Variants in GRAMD1B observed in about 807,000 individuals in gnomAD.
GRAMD1B encodes GRAM domain containing 1B.
Under a neutral mutation model 99.7 loss-of-function variants are expected in GRAMD1B, and 37 were observed. The observed-to-expected ratio is 0.37, with a 90% CI of 0.29 to 0.49. The LOEUF (loss-of-function observed/expected upper bound fraction) is 0.49. Ranked by LOEUF, GRAMD1B falls within the 20% of genes least tolerant of loss-of-function variation. The pLI, the probability that GRAMD1B is intolerant of heterozygous loss-of-function variation, is 0.98. For missense variants in GRAMD1B, 888 were observed against 1,009.2 expected (o/e 0.88, Z 1.63); for synonymous variants, 427 against 387.6 (o/e 1.10, Z -1.19).
chr11:123,360,814 TC>T lies in GRAMD1B; in HGVS notation c.-176+2017del, dbSNP rs1447925343. Reference sequence around the variant, plus strand: ...TTCCTTCCTTCCTTCCTTCCTTCCTTCCTTCCTTCCTTCCTTCCTTCCATGG... The same window carrying T: ...TTCCTTCCTTCCTTCCTTCCTTCCTTCTTCCTTCCTTCCTTCCTTCCATGG... On this transcript the variant is annotated intron_variant, in intron 1 of 20. Coordinates refer to the GRAMD1B transcript ENST00000638157. 6.9e-5 allele frequency among the ~76,000 whole-genome samples: 10 copies of T among 145,040 alleles called. No individual in the cohort carries two copies. In the Admixed American group the frequency reaches 7.0e-4, roughly 10 times the overall value.
Position 123,502,153 on chromosome 11 carries a change from G to T in GRAMD1B, c.452+21260G>T, listed in dbSNP as rs76059319. 8.8e-3 allele frequency among the ~76,000 whole-genome samples: 1,346 copies of T among 152,302 alleles called. 17 individuals are homozygous for T. Among genetic ancestry groups the T allele is most frequent in the African/African-American group, 0.031 (1,282 of 41,546 alleles). On this transcript the variant is annotated intron_variant, in intron 2 of 19. Coordinates refer to ENST00000635736, the MANE Select transcript of GRAMD1B (RefSeq NM_001387025.1). ...AGGCTGCTAGGGATCTGTGAGCATAGTCTGTTTGCACCTCATCCTGTTTTT... is the reference window on the plus strand; with the variant it reads ...AGGCTGCTAGGGATCTGTGAGCATATTCTGTTTGCACCTCATCCTGTTTTT...
chr11:123,475,680 G>C (rs1951231163), intron 1 of GRAMD1B, among the ~76,000 whole-genome samples: 1 of 152,158 alleles, frequency 6.6e-6, no homozygotes, highest in South Asian at 2.1e-4. Flanking sequence ...TTCTTTTTCA[G>C]GGTTTCCAAC....
intron 1 of GRAMD1B, among the ~76,000 whole-genome samples, chr11:123,433,610 T>C (rs957538884): frequency 3.3e-5 from 5 of 152,020 alleles, no homozygotes; most frequent in Non-Finnish European, 7.4e-5. Flanking sequence ...GCTATAATGG[T>C]GCCTGTGAAT....
chr11:123,618,294 C>T (rs1954708258), intron 17 of GRAMD1B: 4 of 1,557,186 alleles, frequency 2.6e-6, no homozygotes, highest in East Asian at 4.5e-5. Flanking sequence ...CCCACACTTG[C>T]CTGTTTCTAA....
At chr11:123,419,207 C>T (rs1178761699) in intron 1 of GRAMD1B, among the ~76,000 whole-genome samples, 1 of 152,174 alleles carries the variant, frequency 6.6e-6, no homozygotes, top group African/African-American at 2.4e-5. Context: ...CTGTGGAATG[C>T]TCTAGAGTCT....
intron 14 of GRAMD1B, among the ~76,000 whole-genome samples, chr11:123,611,140 G>T (rs537947139): frequency 9.7e-4 from 148 of 152,292 alleles, no homozygotes; most frequent in South Asian, 8.3e-3. Context: ...TGGGCTTCAA[G>T]AAGTGCGCAT....
intron 1 of GRAMD1B, among the ~76,000 whole-genome samples, chr11:123,473,033 A>T (rs1951090566): frequency 6.6e-6 from 1 of 151,868 alleles, no homozygotes; most frequent in South Asian, 2.1e-4. Flanking sequence ...CTTACGGAGG[A>T]CTTCCTTACC....
chr11:123,411,752 A>T (rs113108191), intron 1 of GRAMD1B, among the ~76,000 whole-genome samples: 5 of 152,148 alleles, frequency 3.3e-5, no homozygotes, highest in Admixed American at 2.0e-4. Flanking sequence ...GGCTTCAGTG[A>T]TCCTCCCACC....
upstream of GRAMD1B, among the ~76,000 whole-genome samples, chr11:123,429,528 G>T (rs1295622151): frequency 6.6e-6 from 1 of 151,676 alleles, no homozygotes; most frequent in East Asian, 1.9e-4. The surrounding 1 kb of genome is among the most constrained non-coding windows in gnomAD (Gnocchi z 4.0). Context: ...GCAATGTAAG[G>T]GGGGGTACCC....
intron 1 of GRAMD1B, among the ~76,000 whole-genome samples, chr11:123,450,810 G>A (rs2134362247): frequency 6.6e-6 from 1 of 152,246 alleles, no homozygotes; most frequent in Middle Eastern, 3.4e-3. Flanking sequence ...GATTAAGCTG[G>A]GTCTCTCTGC....
chr11:123,431,420 A>G (rs1015723158), intron 1 of GRAMD1B, among the ~76,000 whole-genome samples: 3 of 152,212 alleles, frequency 2.0e-5, no homozygotes, highest in Non-Finnish European at 4.4e-5. Context: ...GCTGCATTCC[A>G]TCTCCCTTGA....
chr11:123,474,974 C>A (rs1591641385), intron 1 of GRAMD1B, among the ~76,000 whole-genome samples: 1 of 152,300 alleles, frequency 6.6e-6, no homozygotes, highest in East Asian at 1.9e-4. Flanking sequence ...AGAACCCCTT[C>A]TGGGCATAGG....
chr11:123,564,440 G>C (rs1947129153), intron 2 of GRAMD1B, among the ~76,000 whole-genome samples: 1 of 152,226 alleles, frequency 6.6e-6, no homozygotes, highest in Non-Finnish European at 1.5e-5. Context: ...GCTCAGAGAG[G>C]AGTAGTTTGT....
rs913895182 is a variant in GRAMD1B at position 123,396,122 on chromosome 11, C to G, written c.-176+37323C>G. Among the ~76,000 whole-genome samples the G allele has an allele frequency of 3.3e-5, 5 of 152,152 alleles. No homozygotes were observed. In the East Asian group the frequency reaches 9.7e-4, roughly 29 times the overall value. ...CTTGCTACTCCTTGGCTTCCCTGAC[C>G]CACCAGACTCCTCCATGGAAAAGTC... On this transcript the variant is annotated intron_variant, in intron 1 of 20. Coordinates refer to the GRAMD1B transcript ENST00000638157.
rs778693927 is a variant in GRAMD1B, at chr11:123,600,589, T to C, written c.1050+41T>C. 4 of 1,280,902 alleles carry C rather than the reference T, an allele frequency of 3.1e-6. No individual in the cohort carries two copies. The African/African-American group carries it at 4.4e-5, about 14-fold the overall frequency. 79.3% of individuals were successfully genotyped at this position (1,280,902 alleles called of 1,614,324 possible). A position where few individuals can be genotyped will look rare whatever the true frequency, so the allele number is the denominator to read the frequency against. ...TTTGCTTTTACTGTGGGACTGGCTATCTCTAGAGAAGCCTTTGTCTCCTCA... is the reference window on the plus strand; with the variant it reads ...TTTGCTTTTACTGTGGGACTGGCTACCTCTAGAGAAGCCTTTGTCTCCTCA... On this transcript the variant is annotated intron_variant, in intron 8 of 19. Coordinates refer to ENST00000635736, the MANE Select transcript of GRAMD1B (RefSeq NM_001387025.1).
At chr11:123,438,339 C>T (rs1465995678) in intron 1 of GRAMD1B, among the ~76,000 whole-genome samples, 2 of 152,118 alleles carry the variant, frequency 1.3e-5, no homozygotes, top group South Asian at 2.1e-4. Flanking sequence ...CTGCCCTATC[C>T]CCCCAGGGCC....
chr11:123,547,058 A>G (rs904543426), intron 2 of GRAMD1B, among the ~76,000 whole-genome samples: 1 of 152,148 alleles, frequency 6.6e-6, no homozygotes, highest in Non-Finnish European at 1.5e-5. Context: ...TGAATGGAAG[A>G]GACCCCATGG....
chr11:123,485,891 T>A (rs956553120), intron 2 of GRAMD1B, among the ~76,000 whole-genome samples: 5 of 151,926 alleles, frequency 3.3e-5, no homozygotes, highest in South Asian at 2.1e-4. Context: ...ACTTTTGTAT[T>A]TTTTGGTAGA....
chr11:123,580,857 G>C (rs1949278627), intron 3 of GRAMD1B, among the ~76,000 whole-genome samples: 2 of 151,752 alleles, frequency 1.3e-5, no homozygotes, highest in Non-Finnish European at 2.9e-5. Flanking sequence ...ACCGCGGTGC[G>C]GGCATCGCGC....
Sources: allele counts gnomAD v4.1 joint callset (sites outside exome capture counted in the v4.1 genomes callset), GRCh38; gene constraint gnomAD v4.1.1; non-coding constraint Gnocchi (gnomAD v3.1); transcripts MANE v1.5; gene names NCBI Gene and HGNC (gene_info 2026-07-23, HGNC 2026-07-21).